Variants in UBASH3B observed in about 807,000 individuals in gnomAD.
UBASH3B encodes the protein ubiquitin associated and SH3 domain containing B, also known as ubiquitin-associated and SH3 domain-containing protein B.
A neutral mutation model predicts 83.4 loss-of-function variants in UBASH3B; 37 were observed. That is an observed-to-expected ratio of 0.44 (90% confidence interval 0.34 to 0.58). The LOEUF (loss-of-function observed/expected upper bound fraction) is 0.58, where lower values mean the gene tolerates loss of function less well. Among genes scored for constraint, UBASH3B ranks in the 20% least tolerant of loss-of-function variants. UBASH3B has a pLI of 0.01. For missense variants in UBASH3B, 657 were observed against 827.2 expected (o/e 0.79, Z 2.52); for synonymous variants, 304 against 318.3 (o/e 0.96, Z 0.48).
intron 1 of UBASH3B, among the ~76,000 whole-genome samples, chr11:122,696,814 G>A (rs896360250): frequency 2.6e-5 from 4 of 152,152 alleles, no homozygotes; most frequent in Non-Finnish European, 5.9e-5. Flanking sequence ...AGGGCAGGCC[G>A]GAGTCTGTTG....
chr11:122,807,020 G>A (rs1591333965), intron 12 of UBASH3B, among the ~76,000 whole-genome samples: 1 of 152,164 alleles, frequency 6.6e-6, no homozygotes, highest in East Asian at 1.9e-4. Flanking sequence ...TAGTGAAAAA[G>A]GCATATTGCA....
chr11:122,745,165 T>A (rs772773998), intron 1 of UBASH3B, among the ~76,000 whole-genome samples: 1 of 152,216 alleles, frequency 6.6e-6, no homozygotes, highest in Non-Finnish European at 1.5e-5. Context: ...GTATCTTTTT[T>A]TTCTCTCAAA....
chr11:122,678,572 GATGGTCCA>G (rs760108671), intron 1 of UBASH3B, among the ~76,000 whole-genome samples: 1 of 152,194 alleles, frequency 6.6e-6, no homozygotes, highest in Non-Finnish European at 1.5e-5. Context: ...TAGTATATGT[GATGGTCCA>G]GCAGGCACTG....
chr11:122,743,162 A>G (rs960372094), intron 1 of UBASH3B, among the ~76,000 whole-genome samples: 1 of 152,166 alleles, frequency 6.6e-6, no homozygotes, highest in Non-Finnish European at 1.5e-5. Flanking sequence ...TTGAAAATGG[A>G]AAGTTGGGAT....
intron 5 of UBASH3B, among the ~76,000 whole-genome samples, chr11:122,786,513 C>T (rs184544406): frequency 2.0e-5 from 3 of 152,162 alleles, no homozygotes; most frequent in African/African-American, 7.2e-5. Context: ...AAAAATTAGC[C>T]AGGTTTGGTG....
At chr11:122,707,959 T>C (rs4936727) in intron 1 of UBASH3B, among the ~76,000 whole-genome samples, 122,938 of 151,904 alleles carry the variant, frequency 0.81, 50,726 homozygotes, top group East Asian at 0.95. Flanking sequence ...CCTCCCAAAG[T>C]GCCGGGATTA....
chr11:122,793,958 C>A (rs1044995754), intron 6 of UBASH3B, among the ~76,000 whole-genome samples: 1 of 152,128 alleles, frequency 6.6e-6, no homozygotes, highest in Admixed American at 6.5e-5. Flanking sequence ...GAAAATACCC[C>A]CCATCACTCT....
intron 1 of UBASH3B, among the ~76,000 whole-genome samples, chr11:122,748,329 A>T (rs1378753052): frequency 6.6e-6 from 1 of 152,200 alleles, no homozygotes; most frequent in Non-Finnish European, 1.5e-5. Context: ...AAAAGCAGAG[A>T]GGATAGTGTA....
chr11:122,797,263 C>T, intron 9 of UBASH3B: 1 of 449,796 alleles, frequency 2.2e-6, no homozygotes, highest in South Asian at 3.1e-5. Flanking sequence ...GCACGTGATC[C>T]AGTAATGGCG....
rs117513997 is a variant in UBASH3B at position 122,787,590 on chromosome 11, C to T, written c.772-1510C>T. 1.6e-3 allele frequency among the ~76,000 whole-genome samples: 248 copies of T among 152,238 alleles called. 2 individuals carry two copies. Among genetic ancestry groups the T allele is most frequent in the Non-Finnish European group, 2.2e-3 (150 of 68,010 alleles). The stretch of plus-strand genomic sequence containing the variant: ...TCTGGTGTATCACCTTGACATCAAC[C>T]AGCCAATTAGTTCACAGGCCTACCC... On this transcript the variant is annotated intron_variant, in intron 5 of 13. Transcript: ENST00000284273.
At chr11:122,756,319 T>C (rs531691532) in intron 1 of UBASH3B, among the ~76,000 whole-genome samples, 7 of 152,352 alleles carry the variant, frequency 4.6e-5, no homozygotes, top group Admixed American at 3.9e-4. Context: ...TGAAGCTTAA[T>C]ACTGCCTCTT....
rs1397963611 is a variant in UBASH3B at position 122,779,686 on chromosome 11, T to A, written c.592T>A (p.Ser198Thr). ...FAADFAAEAA[S>T]KTEVHVEPHK... Reference sequence around the variant, plus strand: ...TGCTGACTTTGCTGCAGAGGCTGCATCCAAAACCGGTGAGCAAACAGCTGC... The same window carrying A: ...TGCTGACTTTGCTGCAGAGGCTGCAACCAAAACCGGTGAGCAAACAGCTGC... The change falls in exon 4 of 14, where the codon TCC becomes ACC. Residue 198 changes from serine to threonine, a missense_variant. Ser to Thr is a moderately conservative substitution (Grantham distance 58, BLOSUM62 1). Around this residue, in one of 3 missense-constraint regions of UBASH3B, gnomAD observed 573 missense variants for 739.0 expected, o/e 0.78. Coordinates refer to ENST00000284273, the MANE Select transcript of UBASH3B (RefSeq NM_032873.5). 6.2e-7 allele frequency: 1 copy of A among 1,613,992 alleles called. No homozygotes were observed. Among genetic ancestry groups the A allele is most frequent in the Admixed American group, 1.7e-5 (1 of 59,994 alleles).
chr11:122,799,030 G>A lies in UBASH3B; in HGVS notation c.1446G>A (p.Leu482=). The change falls in exon 10 of 14, where the codon TTG becomes TTA. Residue 482 remains leucine (L), a synonymous_variant. Coordinates refer to ENST00000284273, the MANE Select transcript of UBASH3B (RefSeq NM_032873.5). ...GCGTTCAGACTGCACACAATATCTT[G>A]AAAGGTAAGACTTGCAGGTTGACAA... is the stretch of plus-strand genomic sequence containing the variant. ...LRCVQTAHNI[L]KGLQQENHLK... 1 of 1,613,746 alleles carries A rather than the reference G, an allele frequency of 6.2e-7. No individual in the cohort carries two copies. The highest frequency in any genetic ancestry group is 8.5e-7 in the Non-Finnish European group (1 of 1,179,780).
At chr11:122,723,552 G>A (rs1860678953) in intron 1 of UBASH3B, among the ~76,000 whole-genome samples, 2 of 152,188 alleles carry the variant, frequency 1.3e-5, no homozygotes, top group African/African-American at 2.4e-5. Context: ...AAGCAGATTT[G>A]GAGAAGGTGG....
At chr11:122,695,261 G>A (rs1863952485) in intron 1 of UBASH3B, among the ~76,000 whole-genome samples, 2 of 152,104 alleles carry the variant, frequency 1.3e-5, no homozygotes, top group African/African-American at 4.8e-5. Flanking sequence ...ACCGCGCCCG[G>A]CCCACTGGTC....
At chr11:122,727,131 A>T (rs939876575) in intron 1 of UBASH3B, among the ~76,000 whole-genome samples, 1 of 152,202 alleles carries the variant, frequency 6.6e-6, no homozygotes, top group Non-Finnish European at 1.5e-5. Context: ...TGGCCAGGCC[A>T]TGTGTGTCTG....
chr11:122,705,205 G>A (rs1294682001), intron 1 of UBASH3B, among the ~76,000 whole-genome samples: 1 of 152,054 alleles, frequency 6.6e-6, no homozygotes, highest in African/African-American at 2.4e-5. Flanking sequence ...CCAGCACTTC[G>A]GGAGGCTGAG....
chr11:122,807,002 C>A (rs911681667), intron 12 of UBASH3B, among the ~76,000 whole-genome samples: 4 of 152,176 alleles, frequency 2.6e-5, no homozygotes, highest in Admixed American at 2.0e-4. Context: ...TGTTCACTAT[C>A]AATTTTTTAG....
At chr11:122,767,600 C>T (rs1451156764) in intron 1 of UBASH3B, among the ~76,000 whole-genome samples, 3 of 152,168 alleles carry the variant, frequency 2.0e-5, no homozygotes, top group Admixed American at 2.0e-4. Context: ...CGTGAGCCAC[C>T]ACGCCCGGCC....
Sources: allele counts gnomAD v4.1 joint callset (sites outside exome capture counted in the v4.1 genomes callset), GRCh38; gene constraint gnomAD v4.1.1; regional missense constraint gnomAD v4.1.1; transcripts MANE v1.5; gene names NCBI Gene and HGNC (gene_info 2026-07-23, HGNC 2026-07-21).